Variants in EDN3 observed in about 807,000 individuals in gnomAD.
EDN3 encodes the protein endothelin 3.
EDN3 carries 9 observed loss-of-function variants against 21.4 expected under a neutral mutation model. The ratio of observed to expected loss-of-function variants is 0.42; its 90% CI spans 0.25 to 0.73. The LOEUF is 0.73. EDN3 is among the 30% of genes least tolerant of loss of function. The pLI is 0.26. For missense variants in EDN3, 327 were observed against 309.4 expected (o/e 1.06, Z -0.43); for synonymous variants, 133 against 126.2 (o/e 1.05, Z -0.36).
rs79321098 is a variant in EDN3 at position 59,305,756 on chromosome 20, C to G, written c.365+4034C>G. ...TCTGGAAGCAGAATTCTTTTCTGTTCGGGAACCTGTCTTTTCTGTGAAGGC... is the reference window on the plus strand; with the variant it reads ...TCTGGAAGCAGAATTCTTTTCTGTTGGGGAACCTGTCTTTTCTGTGAAGGC... On this transcript the variant is annotated intron_variant, in intron 2 of 4. Coordinates refer to ENST00000337938, the MANE Select transcript of EDN3 (RefSeq NM_207034.3). This position sits in a 1 kb window ranked among gnomAD's most constrained non-coding sequence, Gnocchi z 4.2. 6.6e-6 allele frequency among the ~76,000 whole-genome samples: 1 copy of G among 152,154 alleles called. No individual in the cohort carries two copies. Among genetic ancestry groups the G allele is most frequent in the Non-Finnish European group, 1.5e-5 (1 of 68,024 alleles).
chr20:59,312,081 T>A lies in EDN3; in HGVS notation c.366-8936T>A, dbSNP rs1393339588. 2.0e-5 allele frequency among the ~76,000 whole-genome samples: 3 copies of A among 152,202 alleles called. No individual in the cohort carries two copies. The East Asian group carries it at 5.8e-4, about 29-fold the overall frequency. ...CATAACCCCATCCTTATGAAAATAC[T>A]TGCTCCCTGTTTTCCCTCTTCTCTT... On this transcript the variant is annotated intron_variant, in intron 2 of 4. Transcript: ENST00000337938.
chr20:59,317,848 C>T (rs985015266), intron 2 of EDN3, among the ~76,000 whole-genome samples: 2 of 152,182 alleles, frequency 1.3e-5, no homozygotes. Context: ...ATAATCTGTT[C>T]GCCTGGCCTT....
chr20:59,324,707 T>C lies in EDN3; in HGVS notation c.*248T>C. On this transcript the variant is annotated 3_prime_UTR_variant, in exon 5 of 5. Coordinates refer to ENST00000337938, the MANE Select transcript of EDN3 (RefSeq NM_207034.3). ...CATGACGCCTGCAGCTCCGGTTTCA[T>C]GCAGGAAATTGGTTTTGGAGAGTTT... The C allele has an allele frequency of 1.8e-6, 1 of 553,336 alleles. No homozygotes were observed. Among genetic ancestry groups the C allele is most frequent in the Non-Finnish European group, 3.2e-6 (1 of 311,324 alleles). 34.3% of individuals were successfully genotyped at this position (553,336 alleles called of 1,614,324 possible).
Position 59,310,793 on chromosome 20 carries a change from G to A in EDN3, c.365+9071G>A, listed in dbSNP as rs990211170. Among the ~76,000 whole-genome samples, 7 of 145,104 alleles carry A rather than the reference G, an allele frequency of 4.8e-5. No homozygotes were observed. The East Asian group carries it at 1.2e-3, about 26-fold the overall frequency. ...ACGCAACCAAAAACATGACTGGCCC[G>A]CTGGTGGACAGTTTCGCCCCACAAC... On this transcript the variant is annotated intron_variant, in intron 2 of 4. Coordinates refer to ENST00000337938, the MANE Select transcript of EDN3 (RefSeq NM_207034.3).
intron 2 of EDN3, among the ~76,000 whole-genome samples, chr20:59,307,851 A>T (rs1600728519): frequency 1.4e-5 from 2 of 143,814 alleles, no homozygotes; most frequent in South Asian, 2.2e-4. Flanking sequence ...TAATTTAGTA[A>T]TTTTTTTTTT....
chr20:59,322,524 C>G lies in EDN3; in HGVS notation c.588+107C>G. On this transcript the variant is annotated intron_variant, in intron 4 of 4. Coordinates refer to ENST00000337938, the MANE Select transcript of EDN3 (RefSeq NM_207034.3). The surrounding 1 kb of genome is among the most constrained non-coding windows in gnomAD (Gnocchi z 4.1). ...TTGAGGGGATGGCATCTGGTCTGGT[C>G]CAGTGGGAACCCCAGATCTCATGGG... The G allele has an allele frequency of 1.4e-6, 2 of 1,433,492 alleles. No individual in the cohort carries two copies. Among genetic ancestry groups the G allele is most frequent in the Non-Finnish European group, 2.0e-6 (2 of 1,023,656 alleles). The allele number at this position is 1,433,492 out of a possible 1,614,324, so 88.8% of individuals were successfully genotyped here. A position where few individuals can be genotyped will look rare whatever the true frequency, so the allele number is the denominator to read the frequency against.
intron 2 of EDN3, among the ~76,000 whole-genome samples, chr20:59,311,655 TG>T (rs1167416317): frequency 2.7e-5 from 4 of 148,592 alleles, no homozygotes; most frequent in Middle Eastern, 3.4e-3. Context: ...ATTTTGGCCA[TG>T]TTTTTTTTTT....
At chr20:59,314,683 A>G (rs577246353) in intron 2 of EDN3, among the ~76,000 whole-genome samples, 20 of 152,204 alleles carry the variant, frequency 1.3e-4, no homozygotes, top group African/African-American at 4.8e-4. Context: ...AGGCCCATCA[A>G]TTGACTGCCC....
rs757505038 is a variant in EDN3 at position 59,301,399 on chromosome 20, G to A, written c.53-11G>A. ...ACTCAGCTTAGGAGCCCCTCAATCTGCCTTCTGCAGGATTCGTGCCTTGCT... is the reference window on the plus strand; with the variant it reads ...ACTCAGCTTAGGAGCCCCTCAATCTACCTTCTGCAGGATTCGTGCCTTGCT... On this transcript the variant is annotated splice_polypyrimidine_tract_variant and intron_variant, in intron 1 of 4. Coordinates refer to ENST00000337938, the MANE Select transcript of EDN3 (RefSeq NM_207034.3). 4 of 1,607,044 alleles carry A rather than the reference G, an allele frequency of 2.5e-6. No homozygotes were observed. The highest frequency in any genetic ancestry group is 2.5e-6 in the Non-Finnish European group (3 of 1,179,984).
Position 59,321,154 on chromosome 20 carries a change from C to A in EDN3, c.503C>A (p.Ala168Asp), listed in dbSNP as rs1990517282. ...RCACVGRYDK[A>D]CLHFCTQTLD... ...GCTTGTGTGGGGAGATATGACAAGG[C>A]CTGCCTGCACTTTTGCACCCAAACT... is the stretch of plus-strand genomic sequence containing the variant. Residue 168 changes from alanine to aspartate, a missense_variant, in exon 3 of 5, where the codon GCC becomes GAC. Coordinates refer to ENST00000337938, the MANE Select transcript of EDN3 (RefSeq NM_207034.3). 6.2e-7 allele frequency: 1 copy of A among 1,614,114 alleles called. No homozygotes were observed. Among genetic ancestry groups the A allele is most frequent in the South Asian group, 1.1e-5 (1 of 91,092 alleles).
intron 2 of EDN3, among the ~76,000 whole-genome samples, chr20:59,302,247 C>T (rs1224803165): frequency 1.3e-5 from 2 of 152,154 alleles, no homozygotes; most frequent in African/African-American, 4.8e-5. Flanking sequence ...GATGGGCTCC[C>T]TTCCTTCCTG....
In EDN3 at chr20:59,301,516, T is replaced by C. The variant is rs770806114; in HGVS notation, c.159T>C (p.Pro53=). 3.1e-6 allele frequency: 5 copies of C among 1,612,678 alleles called. No homozygotes were observed. The highest frequency in any genetic ancestry group is 2.7e-5 in the African/African-American group (2 of 74,586). The change falls in exon 2 of 5, where the codon CCT becomes CCC. Residue 53 remains proline, a synonymous_variant. Coordinates refer to ENST00000337938, the MANE Select transcript of EDN3 (RefSeq NM_207034.3). ...ACTGTGAAGAGACTGTGGCTGGCCC[T>C]GGCGAGGAGACTGTGGCTGGCCCTG... The part of the protein sequence containing the change: ...EGDCEETVAG[P]GEETVAGPGE...
chr20:59,302,593 C>T (rs1351776872), intron 2 of EDN3, among the ~76,000 whole-genome samples: 1 of 152,168 alleles, frequency 6.6e-6, no homozygotes, highest in Non-Finnish European at 1.5e-5. Context: ...GCCTGGGTCA[C>T]CAACTCTCTG....
rs1024737170 is a variant in EDN3 at position 59,304,623 on chromosome 20, T to A, written c.365+2901T>A. On this transcript the variant is annotated intron_variant, in intron 2 of 4. Transcript: ENST00000337938. Reference sequence around the variant, plus strand: ...TTGATGGAAATTGCTCTGAGTACGGTCATTTTTGCTCCCTTCGAGGATCTG... The same window carrying A: ...TTGATGGAAATTGCTCTGAGTACGGACATTTTTGCTCCCTTCGAGGATCTG... 2.6e-5 allele frequency among the ~76,000 whole-genome samples: 4 copies of A among 152,308 alleles called. No individual in the cohort carries two copies. In the South Asian group the frequency reaches 8.3e-4, roughly 32 times the overall value.
chr20:59,304,584 C>T (rs898468927), intron 2 of EDN3, among the ~76,000 whole-genome samples: 12 of 152,208 alleles, frequency 7.9e-5, no homozygotes, highest in African/African-American at 2.7e-4. Context: ...AGAATCAACA[C>T]TCCTAGTTGA....
intron 2 of EDN3, among the ~76,000 whole-genome samples, chr20:59,304,098 T>C (rs1292494195): frequency 2.1e-5 from 3 of 142,418 alleles, no homozygotes; most frequent in African/African-American, 5.2e-5. Flanking sequence ...CTTCTTTCCC[T>C]CTTTCCTTTC....
intron 2 of EDN3, among the ~76,000 whole-genome samples, chr20:59,313,531 A>T (rs1989972133): frequency 6.6e-6 from 1 of 152,154 alleles, no homozygotes; most frequent in Non-Finnish European, 1.5e-5. Context: ...GGGGGAAAGG[A>T]GGGGGATAGA....
chr20:59,301,437 A>G lies in EDN3; in HGVS notation c.80A>G (p.Asp27Gly). 3 of 1,612,698 alleles carry G rather than the reference A, an allele frequency of 1.9e-6. No individual in the cohort carries two copies. Among genetic ancestry groups the G allele is most frequent in the Non-Finnish European group, 2.5e-6 (3 of 1,180,010 alleles). ...AGFVPCSQSG[D>G]AGRRGVSQAP... ...TTCGTGCCTTGCTCCCAGTCTGGGG[A>G]TGCTGGCAGGCGCGGCGTGTCCCAG... Residue 27 changes from aspartate to glycine, a missense_variant, in exon 2 of 5, where the codon GAT (aspartate) becomes GGT (glycine). Asp to Gly is a moderately conservative substitution (Grantham distance 94). Coordinates refer to ENST00000337938, the MANE Select transcript of EDN3 (RefSeq NM_207034.3).
chr20:59,301,504 T>G lies in EDN3; in HGVS notation c.147T>G (p.Thr49=). 6.2e-7 allele frequency: 1 copy of G among 1,613,012 alleles called. No homozygotes were observed. The highest frequency in any genetic ancestry group is 2.2e-5 in the East Asian group (1 of 44,848). The change falls in exon 2 of 5, where the codon ACT becomes ACG. Residue 49 remains threonine (T), a synonymous_variant. Transcript: ENST00000337938. The part of the protein sequence containing the change: ...AARSEGDCEE[T]VAGPGEETVA... ...GATCTGAGGGGGACTGTGAAGAGACTGTGGCTGGCCCTGGCGAGGAGACTG... is the reference window on the plus strand; with the variant it reads ...GATCTGAGGGGGACTGTGAAGAGACGGTGGCTGGCCCTGGCGAGGAGACTG...
Sources: gnomAD v4.1 joint callset for allele counts (sites outside exome capture counted in the v4.1 genomes callset) on GRCh38, gnomAD v4.1.1 for gene constraint, Gnocchi (gnomAD v3.1) non-coding constraint, MANE v1.5 for transcripts, NCBI Gene and HGNC (gene_info 2026-07-23, HGNC 2026-07-21) for gene names.